Variants in RAD51B observed in about 807,000 individuals in gnomAD.
RAD51B encodes the protein DNA repair protein RAD51 homolog 2.
Under a neutral mutation model 42.2 loss-of-function variants are expected in RAD51B, and 38 were observed. That is an observed-to-expected ratio of 0.90 (90% confidence interval 0.70 to 1.18). The LOEUF is 1.18. Ranked by LOEUF, RAD51B falls within the 50% of genes most tolerant of loss-of-function variation. The pLI, the probability that RAD51B is intolerant of heterozygous loss-of-function variation, is 0.00. For missense variants in RAD51B, 373 were observed against 400.7 expected, an observed-to-expected ratio of 0.93 and a Z score of 0.59; for synonymous variants, 154 against 145.2, an observed-to-expected ratio of 1.06 and a Z score of -0.43.
chr14:68,202,109 T>C (rs1443508613), intron 7 of RAD51B, among the ~76,000 whole-genome samples: 4 of 152,242 alleles, frequency 2.6e-5, no homozygotes, highest in Non-Finnish European at 5.9e-5. Flanking sequence ...TACAGTACCA[T>C]TATGTCTAAA....
chr14:68,058,635 T>A (rs1473361255), intron 7 of RAD51B, among the ~76,000 whole-genome samples: 1 of 152,360 alleles, frequency 6.6e-6, no homozygotes, highest in Admixed American at 6.5e-5. Context: ...ATCATATCTC[T>A]TTGGTATCAT....
At chr14:68,499,117 CT>C (rs1884743457) in intron 10 of RAD51B, among the ~76,000 whole-genome samples, 1 of 152,118 alleles carries the variant, frequency 6.6e-6, no homozygotes, top group Non-Finnish European at 1.5e-5. Flanking sequence ...AATGATGTTT[CT>C]GGTGGGGCTT....
chr14:68,564,606 T>C (rs550843858), intron 10 of RAD51B, among the ~76,000 whole-genome samples: 1 of 152,266 alleles, frequency 6.6e-6, no homozygotes, highest in African/African-American at 2.4e-5. Context: ...CCAGCACCCA[T>C]AGCCTTAACC....
intron 7 of RAD51B, among the ~76,000 whole-genome samples, chr14:68,143,725 G>A (rs1052576790): frequency 3.3e-5 from 5 of 152,170 alleles, no homozygotes; most frequent in African/African-American, 1.2e-4. Context: ...TACTCTGCCT[G>A]TTGCTTTCTG....
chr14:68,212,126 A>G (rs2079722767), intron 7 of RAD51B, among the ~76,000 whole-genome samples: 3 of 152,242 alleles, frequency 2.0e-5, no homozygotes, highest in Non-Finnish European at 4.4e-5. Context: ...GATACTGACA[A>G]GGTCAAATTT....
intron 10 of RAD51B, among the ~76,000 whole-genome samples, chr14:68,486,223 T>G (rs1371762708): frequency 6.6e-6 from 1 of 152,180 alleles, no homozygotes; most frequent in Non-Finnish European, 1.5e-5. Context: ...GACTGACACT[T>G]TTATCTAGTG....
intron 7 of RAD51B, among the ~76,000 whole-genome samples, chr14:68,218,572 T>C (rs761452981): frequency 2.0e-4 from 30 of 152,250 alleles, no homozygotes; most frequent in Non-Finnish European, 3.8e-4. Flanking sequence ...GGCATTAGCA[T>C]TGATTTCATA....
At chr14:68,238,884 T>G (rs892530016) in intron 7 of RAD51B, among the ~76,000 whole-genome samples, 1 of 152,186 alleles carries the variant, frequency 6.6e-6, no homozygotes, top group Non-Finnish European at 1.5e-5. Flanking sequence ...TCTTAGCCTG[T>G]TTCTGGATCT....
chr14:67,995,314 G>A (rs2075361813), intron 7 of RAD51B, among the ~76,000 whole-genome samples: 2 of 152,016 alleles, frequency 1.3e-5, no homozygotes, highest in African/African-American at 4.8e-5. Context: ...TTGAACCTGG[G>A]AGGCAGAGGT....
chr14:68,238,018 T>C (rs1195589279), intron 7 of RAD51B, among the ~76,000 whole-genome samples: 1 of 152,112 alleles, frequency 6.6e-6, no homozygotes, highest in African/African-American at 2.4e-5. Flanking sequence ...CCGAAGCATT[T>C]ATCATATGAA....
chr14:68,477,751 G>A lies in RAD51B; in HGVS notation c.*87G>A. On this transcript the variant is annotated 3_prime_UTR_variant, in exon 11 of 11. Transcript: ENST00000471583. The stretch of plus-strand genomic sequence containing the variant: ...TACTGCTTGGAAGAAGGAAACGGAA[G>A]CTGACATAATGGGGATTAATTAGTT... 1 of 1,577,862 alleles carries A rather than the reference G, an allele frequency of 6.3e-7. No homozygotes were observed. The highest frequency in any genetic ancestry group is 8.6e-7 in the Non-Finnish European group (1 of 1,169,090).
At chr14:68,484,420 C>T (rs1238000290) in intron 10 of RAD51B, among the ~76,000 whole-genome samples, 5 of 144,358 alleles carry the variant, frequency 3.5e-5, no homozygotes, top group South Asian at 4.3e-4. Context: ...TACAGTGGCG[C>T]GATCTCAGCT....
At chr14:68,351,894 G>A (rs2082797945) in intron 8 of RAD51B, among the ~76,000 whole-genome samples, 1 of 152,226 alleles carries the variant, frequency 6.6e-6, no homozygotes, top group Non-Finnish European at 1.5e-5. Context: ...GATGGGTGAA[G>A]AGGGACCCCT....
chr14:68,020,072 C>T (rs1209379456), intron 7 of RAD51B, among the ~76,000 whole-genome samples: 1 of 152,130 alleles, frequency 6.6e-6, no homozygotes, highest in Non-Finnish European at 1.5e-5. Context: ...ATTACCAGAT[C>T]ATAACAAGGT....
At chr14:68,665,882 G>T (rs1484523110) in intron 11 of RAD51B, among the ~76,000 whole-genome samples, 1 of 152,122 alleles carries the variant, frequency 6.6e-6, no homozygotes. Context: ...CCCAACTCAG[G>T]GTGAAGCACA....
intron 7 of RAD51B, among the ~76,000 whole-genome samples, chr14:68,221,762 G>A (rs2079932168): frequency 6.6e-6 from 1 of 152,046 alleles, no homozygotes; most frequent in Non-Finnish European, 1.5e-5. Flanking sequence ...CCACAGAGTG[G>A]GAGAAAATCT....
intron 7 of RAD51B, among the ~76,000 whole-genome samples, chr14:68,252,050 T>A (rs1047501412): frequency 4.6e-5 from 7 of 152,194 alleles, no homozygotes; most frequent in Non-Finnish European, 8.8e-5. Context: ...TCTTTTTGAG[T>A]CCCTTATTTC....
chr14:68,618,847 CT>C (rs990624179), intron 10 of RAD51B, among the ~76,000 whole-genome samples: 2 of 151,722 alleles, frequency 1.3e-5, no homozygotes, highest in Non-Finnish European at 2.9e-5. Context: ...CCTTCCCTAC[CT>C]TTTTTTTTCT....
rs536471508 is a variant in RAD51B, at chr14:68,549,952, C to T, written c.1037-44533C>T. Among the ~76,000 whole-genome samples, 8 of 152,266 alleles carry T rather than the reference C, an allele frequency of 5.3e-5. No individual in the cohort carries two copies. The South Asian group carries it at 1.7e-3, about 32-fold the overall frequency. Reference sequence around the variant, plus strand: ...ATTGCTGCAAGTTTTCCAGCTGTCCCCCACATCTGTTTTAGTGGTGGTGGA... The same window carrying T: ...ATTGCTGCAAGTTTTCCAGCTGTCCTCCACATCTGTTTTAGTGGTGGTGGA... On this transcript the variant is annotated intron_variant, in intron 10 of 10. Transcript: ENST00000487270.
Sources: allele counts gnomAD v4.1 joint callset (sites outside exome capture counted in the v4.1 genomes callset), GRCh38; gene constraint gnomAD v4.1.1; transcripts MANE v1.5; gene names NCBI Gene and HGNC (gene_info 2026-07-23, HGNC 2026-07-21).